Variants in ARID4A observed in about 807,000 individuals in gnomAD.
The protein encoded by ARID4A is AT-rich interactive domain-containing protein 4A.
ARID4A carries 39 observed loss-of-function variants against 148.6 expected under a neutral mutation model. That is an observed-to-expected ratio of 0.26 (90% CI 0.20 to 0.34). The LOEUF (loss-of-function observed/expected upper bound fraction) is 0.34. Ranked by LOEUF, ARID4A falls within the 10% of genes least tolerant of loss-of-function variation. ARID4A has a pLI of 1.00. For synonymous variants in ARID4A, 475 were observed against 481.2 expected (o/e 0.99, Z 0.17); for missense variants, 1,265 against 1,449.1 (o/e 0.87, Z 2.06).
chr14:58,364,413 A>G lies in ARID4A; in HGVS notation c.2324A>G (p.Lys775Arg), dbSNP rs1403802617. The change falls in exon 20 of 24, where the codon AAA becomes AGA. Residue 775 changes from lysine to arginine, a missense_variant. Lys to Arg is a conservative substitution (Grantham distance 26). Coordinates refer to ENST00000355431, the MANE Select transcript of ARID4A (RefSeq NM_002892.4). ...NEQIVQIFGN[K>R]MEKTEEVKKE... Reference sequence around the variant, plus strand: ...CAAATAGTACAGATTTTTGGGAACAAAATGGAAAAAACAGAAGAAGTTAAG... The same window carrying G: ...CAAATAGTACAGATTTTTGGGAACAGAATGGAAAAAACAGAAGAAGTTAAG... 1 of 1,612,296 alleles carries G rather than the reference A, an allele frequency of 6.2e-7. No individual in the cohort carries two copies. Among genetic ancestry groups the G allele is most frequent in the Non-Finnish European group, 8.5e-7 (1 of 1,179,696 alleles).
intron 22 of ARID4A, among the ~76,000 whole-genome samples, chr14:58,366,591 G>A (rs2035368876): frequency 6.6e-6 from 1 of 152,146 alleles, no homozygotes; most frequent in South Asian, 2.1e-4. Flanking sequence ...AAACTATTCT[G>A]ATAACTATAA....
intron 11 of ARID4A, among the ~76,000 whole-genome samples, chr14:58,334,339 A>T (rs1213387458): frequency 6.6e-6 from 1 of 152,216 alleles, no homozygotes; most frequent in African/African-American, 2.4e-5. Context: ...GTTAACTGAT[A>T]AAATACAAGA....
chr14:58,299,148 C>CTCCCCTCCCACACCCTG (rs2030863868), intron 1 of ARID4A, among the ~76,000 whole-genome samples: 3 of 152,224 alleles, frequency 2.0e-5, no homozygotes, highest in Non-Finnish European at 4.4e-5. Flanking sequence ...TGCGGCTCCC[C>CTCCCCTCCCACACCCTG]TCCCCTCCCA....
At chr14:58,304,097 G>A (rs2140133507) in intron 3 of ARID4A, among the ~76,000 whole-genome samples, 1 of 152,118 alleles carries the variant, frequency 6.6e-6, no homozygotes, top group South Asian at 2.1e-4. Flanking sequence ...ATTGACTAGA[G>A]GAGTGTGATT....
chr14:58,320,677 G>A lies in ARID4A; in HGVS notation c.449+1872G>A, dbSNP rs111471147. Among the ~76,000 whole-genome samples the A allele has an allele frequency of 4.8e-3, 708 of 148,818 alleles. 8 individuals carry two copies. Among genetic ancestry groups the A allele is most frequent in the African/African-American group, 0.017 (683 of 40,088 alleles). ...GGCTGGAGTGCAGTGGCTGGATCTC[G>A]GCTCACTGCAAGCTCCACCTCCTGG... On this transcript the variant is annotated intron_variant, in intron 7 of 23. Transcript: ENST00000355431.
intron 22 of ARID4A, 44 bp downstream of exon 22, chr14:58,366,274 G>A: frequency 1.5e-6 from 2 of 1,361,550 alleles, no homozygotes; most frequent in South Asian, 1.2e-5. Flanking sequence ...ACTGTAAAGT[G>A]GAATAGATCT....
chr14:58,309,128 G>A (rs148584689), intron 5 of ARID4A, among the ~76,000 whole-genome samples: 5 of 152,126 alleles, frequency 3.3e-5, no homozygotes, highest in African/African-American at 9.6e-5. Context: ...TTGTTTGTTC[G>A]TTTTAGAGAC....
intron 11 of ARID4A, among the ~76,000 whole-genome samples, chr14:58,335,967 T>C (rs545671206): frequency 6.6e-6 from 1 of 152,076 alleles, no homozygotes; most frequent in East Asian, 1.9e-4. Flanking sequence ...TCAACATCCA[T>C]GCTTGCCCTC....
chr14:58,370,605 T>C (rs1438000547), intron 23 of ARID4A, among the ~76,000 whole-genome samples: 1 of 151,858 alleles, frequency 6.6e-6, no homozygotes, highest in East Asian at 1.9e-4. Context: ...CCAAAAAGAT[T>C]TTTTTATTAC....
chr14:58,332,288 T>C (rs2033575611), intron 11 of ARID4A, among the ~76,000 whole-genome samples: 1 of 152,150 alleles, frequency 6.6e-6, no homozygotes, highest in Non-Finnish European at 1.5e-5. Context: ...ACCTAAATTA[T>C]GAGCCTGTTA....
At chr14:58,306,152 G>A (rs1053620489) in intron 5 of ARID4A, 40 bp downstream of exon 5, 3 of 1,412,566 alleles carry the variant, frequency 2.1e-6, no homozygotes, top group Non-Finnish European at 2.0e-6. Flanking sequence ...TGATTTGGAG[G>A]TTGCATGTAT....
At chr14:58,317,507 C>T (rs1422799269) in intron 5 of ARID4A, among the ~76,000 whole-genome samples, 6 of 150,910 alleles carry the variant, frequency 4.0e-5, no homozygotes, top group Non-Finnish European at 7.4e-5. Context: ...AGGATGGTCT[C>T]GATTTCCTGA....
intron 5 of ARID4A, among the ~76,000 whole-genome samples, chr14:58,307,061 T>A (rs536291326): frequency 1.6e-4 from 24 of 152,368 alleles, no homozygotes; most frequent in Admixed American, 3.9e-4. Context: ...AAATAGTTGC[T>A]GTCATTATGT....
At chr14:58,342,983 A>T (rs1263581991) in intron 11 of ARID4A, among the ~76,000 whole-genome samples, 1 of 152,056 alleles carries the variant, frequency 6.6e-6, no homozygotes, top group East Asian at 1.9e-4. Context: ...GCACAGGCAA[A>T]GCATAGAGCC....
At position 58,347,662 on chromosome 14, in the gene ARID4A, T is replaced by C. The variant is rs755219310; in HGVS notation, c.1188T>C (p.Phe396=). 6 of 1,605,626 alleles carry C rather than the reference T, an allele frequency of 3.7e-6. No individual in the cohort carries two copies. The East Asian group carries it at 1.3e-4, about 36-fold the overall frequency. Reference sequence around the variant, plus strand: ...GTTTGTTTAGGTATCTCTATGGTTTTGAGGAGTACTGCCGTTCGGCAAATA... The same window carrying C: ...GTTTGTTTAGGTATCTCTATGGTTTCGAGGAGTACTGCCGTTCGGCAAATA... The part of the protein sequence containing the change: ...KTAYRKYLYG[F]EEYCRSANIQ... The change falls in exon 15 of 24, where the codon TTT becomes TTC. Residue 396 remains phenylalanine (F), a synonymous_variant. Transcript: ENST00000355431.
chr14:58,369,839 G>A lies in ARID4A; in HGVS notation c.3671-2047G>A, dbSNP rs1364901602. 4.6e-5 allele frequency among the ~76,000 whole-genome samples: 7 copies of A among 152,142 alleles called. No individual in the cohort carries two copies. The South Asian group carries it at 1.5e-3, about 32-fold the overall frequency. ...AAGGTGATGGTGAATGGAAGCTCTAGGATGACCACTGCATAGCAGACCTAG... is the reference window on the plus strand; with the variant it reads ...AAGGTGATGGTGAATGGAAGCTCTAAGATGACCACTGCATAGCAGACCTAG... On this transcript the variant is annotated intron_variant, in intron 23 of 23. Transcript: ENST00000355431.
intron 11 of ARID4A, among the ~76,000 whole-genome samples, chr14:58,333,406 G>C (rs954463464): frequency 4.5e-4 from 69 of 151,990 alleles, no homozygotes; most frequent in African/African-American, 1.6e-3. Context: ...AGTTTTCTAA[G>C]GGTAAAATAA....
intron 7 of ARID4A, among the ~76,000 whole-genome samples, chr14:58,321,269 T>G (rs574489753): frequency 6.6e-6 from 1 of 152,372 alleles, no homozygotes; most frequent in East Asian, 1.9e-4. Flanking sequence ...CAGTTAGTAC[T>G]ATTATGATAG....
chr14:58,353,416 T>TCAA, intron 16 of ARID4A: 1 of 381,502 alleles, frequency 2.6e-6, no homozygotes, highest in Non-Finnish European at 4.7e-6. Context: ...CATCGTTAAC[T>TCAA]GTGACTTGAT....
Sources: gnomAD v4.1 joint callset for allele counts (sites outside exome capture counted in the v4.1 genomes callset) on GRCh38, gnomAD v4.1.1 for gene constraint, MANE v1.5 for transcripts, NCBI Gene and HGNC (gene_info 2026-07-23, HGNC 2026-07-21) for gene names.